TTYH3: variants seen among roughly 807,000 people sequenced by gnomAD.
TTYH3 encodes the protein protein tweety homolog 3.
Under a neutral mutation model 68.2 loss-of-function variants are expected in TTYH3, and 23 were observed. The observed-to-expected ratio is 0.34, with a 90% CI of 0.24 to 0.48. The LOEUF (loss-of-function observed/expected upper bound fraction) is 0.48. Ranked by LOEUF, TTYH3 falls within the 20% of genes least tolerant of loss-of-function variation. The pLI is 0.99. For synonymous variants in TTYH3, 360 were observed against 332.8 expected (o/e 1.08, Z -0.89); for missense variants, 768 against 727.7 (o/e 1.06, Z -0.64).
chr7:2,636,933 A>T (rs904686905), intron 1 of TTYH3, among the ~76,000 whole-genome samples: 1 of 152,070 alleles, frequency 6.6e-6, no homozygotes, highest in Non-Finnish European at 1.5e-5. Context: ...TGGGGTTCTC[A>T]AGCCCCTTCC....
chr7:2,640,429 C>T (rs762886701), intron 1 of TTYH3, among the ~76,000 whole-genome samples: 24 of 152,110 alleles, frequency 1.6e-4, no homozygotes, highest in African/African-American at 2.2e-4. Flanking sequence ...TTCCATAGGC[C>T]GGCCGTGACT....
At chr7:2,638,112 G>A (rs929839438) in intron 1 of TTYH3, among the ~76,000 whole-genome samples, 8 of 152,246 alleles carry the variant, frequency 5.3e-5, no homozygotes, top group African/African-American at 7.2e-5. Context: ...TCTGGGGTTC[G>A]GCCGTGCCCT....
At position 2,652,997 on chromosome 7, in the gene TTYH3, A is replaced by G. The variant is rs371403020; in HGVS notation, c.1007A>G (p.Gln336Arg). The G allele has an allele frequency of 1.3e-5, 21 of 1,571,302 alleles. No individual in the cohort carries two copies. The highest frequency in any genetic ancestry group is 1.8e-5 in the Non-Finnish European group (21 of 1,158,296). The change falls in exon 9 of 14, where the codon CAG (glutamine) becomes CGG (arginine). Residue 336 changes from glutamine (Q) to arginine (R), a missense_variant. Gln to Arg is a conservative substitution (Grantham distance 43). Coordinates refer to ENST00000258796, the MANE Select transcript of TTYH3 (RefSeq NM_025250.3). ...AELLRTVPWE[Q>R]PATKDPLLRV... ...CTTCTGAGGACCGTCCCCTGGGAGCAGCCGGCCACTAAGGTGAGGGGCTGC... is the reference window on the plus strand; with the variant it reads ...CTTCTGAGGACCGTCCCCTGGGAGCGGCCGGCCACTAAGGTGAGGGGCTGC...
intron 5 of TTYH3, 101 bp from the exon 6 acceptor site, chr7:2,649,466 C>T (rs1786099136): frequency 8.4e-7 from 1 of 1,190,334 alleles, no homozygotes; most frequent in Non-Finnish European, 1.2e-6. Context: ...TGTGGGCTGA[C>T]CCCTGATGTG....
intron 11 of TTYH3, among the ~76,000 whole-genome samples, chr7:2,657,494 G>T (rs1786372163): frequency 6.6e-6 from 1 of 152,006 alleles, no homozygotes; most frequent in Admixed American, 6.6e-5. Context: ...GGTGATGGTG[G>T]TGGTGATGGT....
chr7:2,648,217 C>G (rs1320864760), intron 5 of TTYH3, 163 bp downstream of exon 5: 1 of 644,652 alleles, frequency 1.6e-6, no homozygotes, highest in Non-Finnish European at 2.6e-6. Context: ...GATGCCCCTT[C>G]TGTGCCTGTG....
In TTYH3 at chr7:2,660,109, A is replaced by G. The variant is rs1298006775; in HGVS notation, c.1500+1094A>G. 3 of 1,246,208 alleles carry G rather than the reference A, an allele frequency of 2.4e-6. No homozygotes were observed. In the South Asian group the frequency reaches 4.1e-5, roughly 17 times the overall value. The allele number at this position is 1,246,208 out of a possible 1,614,324, so 77.2% of individuals were successfully genotyped here. A position where few individuals can be genotyped will look rare whatever the true frequency, so the allele number is the denominator to read the frequency against. On this transcript the variant is annotated intron_variant, in intron 13 of 13. Transcript: ENST00000258796. ...CGCCTCCCGCCTCCACCCTGCACTC[A>G]CTGCCGCCCTCCCGTCGGCACTGAG...
chr7:2,656,566 C>T lies in TTYH3; in HGVS notation c.1250+32C>T, dbSNP rs201845760. Reference sequence around the variant, plus strand: ...GGCCCTGGGGGGTCGCAGGAGCTTGCCCCAGGCCACATGGCATGCGGGACA... The same window carrying T: ...GGCCCTGGGGGGTCGCAGGAGCTTGTCCCAGGCCACATGGCATGCGGGACA... On this transcript the variant is annotated intron_variant, in intron 11 of 13. Coordinates refer to ENST00000258796, the MANE Select transcript of TTYH3 (RefSeq NM_025250.3). 6 of 1,587,706 alleles carry T rather than the reference C, an allele frequency of 3.8e-6. No individual in the cohort carries two copies. In the Admixed American group the frequency reaches 1.1e-4, roughly 28 times the overall value.
At chr7:2,659,946 C>G (rs1294655273) in intron 13 of TTYH3, 16 of 1,290,460 alleles carry the variant, frequency 1.2e-5, no homozygotes, top group South Asian at 1.2e-5. Context: ...CTAGCGCTAT[C>G]TGGCTGCCCT....
intron 8 of TTYH3, 144 bp from the exon 9 acceptor site, chr7:2,652,774 A>G (rs908495962): frequency 1.4e-5 from 9 of 654,990 alleles, no homozygotes; most frequent in East Asian, 8.2e-5. Flanking sequence ...AAGGGCAGGG[A>G]GTGCCCTGTT....
chr7:2,649,467 C>A (rs984486320), intron 5 of TTYH3, 100 bp from the exon 6 acceptor site: 2 of 1,205,354 alleles, frequency 1.7e-6, no homozygotes, highest in Non-Finnish European at 2.4e-6. Context: ...GTGGGCTGAC[C>A]CCTGATGTGC....
chr7:2,660,224 G>A (rs1388046974), intron 13 of TTYH3: 18 of 985,400 alleles, frequency 1.8e-5, no homozygotes, highest in Admixed American at 6.1e-5. Context: ...CTCTGGGCCC[G>A]CCAGCCTCAC....
At chr7:2,657,815 G>A (rs1310399946) in intron 11 of TTYH3, among the ~76,000 whole-genome samples, 1 of 152,362 alleles carries the variant, frequency 6.6e-6, no homozygotes, top group South Asian at 2.1e-4. Flanking sequence ...CTCCTGGGGC[G>A]TGGAGGCTCC....
In TTYH3 at chr7:2,664,253, C is replaced by G. The variant is rs983996880; in HGVS notation, c.*2514C>G. 1 of 152,654 alleles carries G rather than the reference C, an allele frequency of 6.6e-6. No individual in the cohort carries two copies. Among genetic ancestry groups the G allele is most frequent in the Admixed American group, 6.5e-5 (1 of 15,278 alleles). The allele number at this position is 152,654 out of a possible 1,614,324, so 9.5% of individuals were successfully genotyped here. A position where few individuals can be genotyped will look rare whatever the true frequency, so the allele number is the denominator to read the frequency against. ...TGGGAGCAGCCCCTGGCCCATTGCC[C>G]ACCCACCCATCTCACTATGCAATTC... is the stretch of plus-strand genomic sequence containing the variant. On this transcript the variant is annotated 3_prime_UTR_variant, in exon 14 of 14. Transcript: ENST00000258796.
At chr7:2,641,709 G>C (rs745663424) in intron 1 of TTYH3, among the ~76,000 whole-genome samples, 2 of 152,262 alleles carry the variant, frequency 1.3e-5, no homozygotes, top group African/African-American at 4.8e-5. Flanking sequence ...CTGGGCCACC[G>C]TAGGAATGCC....
chr7:2,647,063 GGGC>G, intron 2 of TTYH3, 41 bp downstream of exon 2: 1 of 1,532,088 alleles, frequency 6.5e-7, no homozygotes, highest in Non-Finnish European at 8.8e-7. Context: ...GGGCCAGAGG[GGGC>G]GGCCCGAGGG....
At position 2,648,304 on chromosome 7, in the gene TTYH3, C is replaced by T. The variant is rs576223574; in HGVS notation, c.722+250C>T. The T allele has an allele frequency of 2.5e-3, 1,230 of 486,582 alleles. 4 individuals carry two copies. The highest frequency in any genetic ancestry group is 0.018 in the Middle Eastern group (34 of 1,892). 30.1% of individuals were successfully genotyped at this position (486,582 alleles called of 1,614,324 possible). ...TTCCTGCAAGAGTCTGCACGTGGGGCACTTGTAGCCCAGGACCTGAAGCAA... is the reference window on the plus strand; with the variant it reads ...TTCCTGCAAGAGTCTGCACGTGGGGTACTTGTAGCCCAGGACCTGAAGCAA... On this transcript the variant is annotated intron_variant, in intron 5 of 13. Coordinates refer to ENST00000258796, the MANE Select transcript of TTYH3 (RefSeq NM_025250.3).
intron 1 of TTYH3, among the ~76,000 whole-genome samples, chr7:2,642,207 C>A (rs1392358248): frequency 6.6e-6 from 1 of 152,156 alleles, no homozygotes; most frequent in Non-Finnish European, 1.5e-5. Context: ...CCAGCCTGGG[C>A]AACATAGCCA....
intron 12 of TTYH3, 130 bp downstream of exon 12, chr7:2,658,589 T>C: frequency 8.7e-7 from 1 of 1,155,766 alleles, no homozygotes; most frequent in South Asian, 1.6e-5. Flanking sequence ...AGCCCTGGCC[T>C]TGAGTGCCTC....
Sources: gnomAD v4.1 joint callset for allele counts (sites outside exome capture counted in the v4.1 genomes callset) on GRCh38, gnomAD v4.1.1 for gene constraint, MANE v1.5 for transcripts, NCBI Gene and HGNC (gene_info 2026-07-23, HGNC 2026-07-21) for gene names.